The following MEI4 variants were observed in gnomAD, a reference collection of about 807,000 sequenced individuals.
The protein encoded by MEI4 is meiotic double-stranded break formation protein 4.
Under a neutral mutation model 31.4 loss-of-function variants are expected in MEI4, and 27 were observed. The ratio of observed to expected loss-of-function variants is 0.86; its 90% CI spans 0.63 to 1.19. MEI4 has a LOEUF of 1.19. Ranked by LOEUF, MEI4 falls within the 50% of genes most tolerant of loss-of-function variation. MEI4 has a pLI of 0.00. For synonymous variants in MEI4, 122 were observed against 145.4 expected, an observed-to-expected ratio of 0.84 and a Z score of 1.16; for missense variants, 329 against 398.9, an observed-to-expected ratio of 0.82 and a Z score of 1.49.
chr6:77,726,624 G>A (rs1266355031), intron 2 of MEI4, among the ~76,000 whole-genome samples: 2 of 152,080 alleles, frequency 1.3e-5, no homozygotes, highest in African/African-American at 2.4e-5. Context: ...TAAACAGAGG[G>A]GAGACATTAA....
At chr6:77,905,475 C>CCTT (rs1766273018) in intron 4 of MEI4, among the ~76,000 whole-genome samples, 2 of 93,344 alleles carry the variant, frequency 2.1e-5, no homozygotes, top group Non-Finnish European at 2.1e-5. Context: ...AAATTTTCAG[C>CCTT]TTTTTTTTTT....
chr6:77,803,578 C>T (rs982085268), intron 3 of MEI4, among the ~76,000 whole-genome samples: 1 of 152,192 alleles, frequency 6.6e-6, no homozygotes, highest in African/African-American at 2.4e-5. Context: ...TTTTTCTGCT[C>T]TGTTTTTTCC....
rs58186936 is a variant in MEI4, at chr6:77,889,165, G to A, written c.901-33924G>A. Among the ~76,000 whole-genome samples, 1,282 of 152,210 alleles carry A rather than the reference G, an allele frequency of 8.4e-3. 13 individuals are homozygous for A. Among genetic ancestry groups the A allele is most frequent in the African/African-American group, 0.029 (1,186 of 41,534 alleles). On this transcript the variant is annotated intron_variant, in intron 4 of 4. Transcript: ENST00000684080. Reference sequence around the variant, plus strand: ...CACCCCACTGTCTGTGGTATCTGCTGTTGTCCCCACCTGAAAATGTGGAAG... The same window carrying A: ...CACCCCACTGTCTGTGGTATCTGCTATTGTCCCCACCTGAAAATGTGGAAG...
chr6:77,731,622 C>T (rs1419207722), intron 2 of MEI4, among the ~76,000 whole-genome samples: 1 of 151,322 alleles, frequency 6.6e-6, no homozygotes, highest in African/African-American at 2.4e-5. Context: ...TGCAGAAGCT[C>T]TTTAGTTGAA....
At chr6:77,700,913 T>G (rs890970965) in intron 2 of MEI4, among the ~76,000 whole-genome samples, 2 of 152,080 alleles carry the variant, frequency 1.3e-5, no homozygotes, top group African/African-American at 4.8e-5. Flanking sequence ...CTTACTTAAA[T>G]GCGCTTTACT....
intron 4 of MEI4, among the ~76,000 whole-genome samples, chr6:77,830,409 T>G (rs1427778057): frequency 6.6e-6 from 1 of 152,074 alleles, no homozygotes; most frequent in African/African-American, 2.4e-5. Flanking sequence ...CATGAAGCGG[T>G]TATAATTTTC....
intron 4 of MEI4, among the ~76,000 whole-genome samples, chr6:77,914,323 A>T (rs1766495678): frequency 6.6e-6 from 1 of 151,786 alleles, no homozygotes; most frequent in African/African-American, 2.4e-5. Flanking sequence ...GACATTTTTT[A>T]ATTTTCTCCC....
intron 4 of MEI4, among the ~76,000 whole-genome samples, chr6:77,865,236 C>T (rs1770989907): frequency 6.6e-6 from 1 of 152,080 alleles, no homozygotes; most frequent in Non-Finnish European, 1.5e-5. Context: ...AAGATCAGAG[C>T]AGAACTGAAG....
At chr6:77,889,627 A>G (rs781600097) in intron 4 of MEI4, among the ~76,000 whole-genome samples, 4 of 152,360 alleles carry the variant, frequency 2.6e-5, no homozygotes, top group African/African-American at 9.6e-5. Context: ...AGAAGTTTGC[A>G]TAAGTAGCAA....
At chr6:77,918,051 C>A (rs1452412590) in intron 4 of MEI4, among the ~76,000 whole-genome samples, 6 of 151,294 alleles carry the variant, frequency 4.0e-5, no homozygotes, top group Non-Finnish European at 8.8e-5. Context: ...TTGTTTTTCT[C>A]AGGTTTGTCA....
intron 4 of MEI4, among the ~76,000 whole-genome samples, chr6:77,888,316 T>A (rs1435975408): frequency 1.4e-5 from 2 of 146,678 alleles, no homozygotes; most frequent in Non-Finnish European, 1.5e-5. Flanking sequence ...TTTTCTAATT[T>A]TTTTGTATAT....
intron 4 of MEI4, among the ~76,000 whole-genome samples, chr6:77,879,910 T>G (rs972924043): frequency 6.6e-6 from 1 of 152,172 alleles, no homozygotes; most frequent in African/African-American, 2.4e-5. Context: ...CAAGAGAGAA[T>G]AGAGAGACTG....
At chr6:77,663,203 A>T (rs1562196400) in intron 1 of MEI4, among the ~76,000 whole-genome samples, 1 of 152,196 alleles carries the variant, frequency 6.6e-6, no homozygotes. Context: ...AAATGGGGGA[A>T]TTGTAAGGAG....
At position 77,715,950 on chromosome 6, in the gene MEI4, T is replaced by C. The variant is rs148785519; in HGVS notation, c.232+25047T>C. Among the ~76,000 whole-genome samples, 213 of 152,334 alleles carry C rather than the reference T, an allele frequency of 1.4e-3. 1 individual carries two copies. The highest frequency in any genetic ancestry group is 4.5e-3 in the African/African-American group (187 of 41,578). On this transcript the variant is annotated intron_variant, in intron 2 of 4. Transcript: ENST00000684080. ...ATATTTTTACACAGTTTTGTGAGCTTTTAAGAAAAGAGTAATTTATGTGAT... is the reference window on the plus strand; with the variant it reads ...ATATTTTTACACAGTTTTGTGAGCTCTTAAGAAAAGAGTAATTTATGTGAT...
chr6:77,661,187 G>T (rs1768498886), intron 1 of MEI4, among the ~76,000 whole-genome samples: 2 of 152,192 alleles, frequency 1.3e-5, no homozygotes, highest in African/African-American at 4.8e-5. Flanking sequence ...GCTGAGCTTG[G>T]TGAGGTGTGC....
At chr6:77,806,321 A>G (rs1029887682) in intron 3 of MEI4, among the ~76,000 whole-genome samples, 2 of 152,162 alleles carry the variant, frequency 1.3e-5, no homozygotes, top group African/African-American at 4.8e-5. Flanking sequence ...CTCAGTGTCT[A>G]TAATAGCATA....
chr6:77,834,401 A>G (rs1413712257), intron 4 of MEI4, among the ~76,000 whole-genome samples: 1 of 147,724 alleles, frequency 6.8e-6, no homozygotes, highest in African/African-American at 2.4e-5. Flanking sequence ...TATATATAAT[A>G]TAAAATTATA....
chr6:77,716,320 G>A (rs574456385), intron 2 of MEI4, among the ~76,000 whole-genome samples: 1 of 152,218 alleles, frequency 6.6e-6, no homozygotes, highest in South Asian at 2.1e-4. Context: ...AGTTTTGAGA[G>A]GTAAGAGAAT....
At chr6:77,687,105 A>G (rs1351028405) in intron 1 of MEI4, among the ~76,000 whole-genome samples, 2 of 152,084 alleles carry the variant, frequency 1.3e-5, no homozygotes, top group African/African-American at 4.8e-5. Flanking sequence ...ATCCAAGGTC[A>G]TATGTAATAT....
Sources: gnomAD v4.1 joint callset for allele counts (sites outside exome capture counted in the v4.1 genomes callset) on GRCh38, gnomAD v4.1.1 for gene constraint, MANE v1.5 for transcripts, NCBI Gene and HGNC (gene_info 2026-07-23, HGNC 2026-07-21) for gene names.